Variants in VRK2 observed in about 807,000 individuals in gnomAD.
The protein encoded by VRK2 is serine/threonine-protein kinase VRK2.
In VRK2, 60 loss-of-function variants were observed where a neutral mutation model predicts 57.6. That is an observed-to-expected ratio of 1.04 (90% CI 0.85 to 1.29). VRK2 has a LOEUF of 1.29. Ranked by LOEUF, VRK2 falls within the 50% of genes most tolerant of loss-of-function variation. VRK2 has a pLI of 0.00. For synonymous variants in VRK2, 231 were observed against 199.2 expected, an observed-to-expected ratio of 1.16 and a Z score of -1.35; for missense variants, 705 against 588.1, an observed-to-expected ratio of 1.20 and a Z score of -2.06.
chr2:57,912,176 T>G (rs1670004726), intron 1 of VRK2, among the ~76,000 whole-genome samples: 1 of 152,178 alleles, frequency 6.6e-6, no homozygotes, highest in African/African-American at 2.4e-5. Flanking sequence ...TATAAAGAAT[T>G]ATGGATGAAA....
intron 1 of VRK2, among the ~76,000 whole-genome samples, chr2:57,916,593 G>A (rs1015670467): frequency 6.6e-6 from 1 of 151,752 alleles, no homozygotes; most frequent in Non-Finnish European, 1.5e-5. Context: ...GTATGATATT[G>A]GTTTTCAATT....
chr2:57,972,494 T>C (rs571892481), intron 1 of VRK2, among the ~76,000 whole-genome samples: 2 of 151,990 alleles, frequency 1.3e-5, no homozygotes, highest in South Asian at 4.1e-4. Context: ...TATTTTGGTC[T>C]TTAGCATATA....
At chr2:58,122,104 A>G (rs1677600291) in intron 7 of VRK2, among the ~76,000 whole-genome samples, 1 of 152,216 alleles carries the variant, frequency 6.6e-6, no homozygotes, top group African/African-American at 2.4e-5. Context: ...TTCATATGAA[A>G]GGTCAAAAGT....
intron 2 of VRK2, among the ~76,000 whole-genome samples, chr2:58,066,564 T>A (rs1354977147): frequency 2.6e-5 from 4 of 152,198 alleles, no homozygotes. Context: ...TCTAATTTTG[T>A]ATCAGGGTAA....
chr2:58,142,887 T>A (rs1427153038), intron 11 of VRK2, among the ~76,000 whole-genome samples: 1 of 151,866 alleles, frequency 6.6e-6, no homozygotes, highest in African/African-American at 2.4e-5. Context: ...TACTATAATA[T>A]GTTAGTATAT....
intron 1 of VRK2, among the ~76,000 whole-genome samples, chr2:57,990,224 A>G (rs897305138): frequency 2.0e-5 from 3 of 152,234 alleles, no homozygotes; most frequent in Non-Finnish European, 4.4e-5. Context: ...TAGGAAATCA[A>G]TTCATACTAA....
At chr2:57,994,269 CTT>C (rs1261323143) in intron 1 of VRK2, among the ~76,000 whole-genome samples, 1 of 152,084 alleles carries the variant, frequency 6.6e-6, no homozygotes, top group Admixed American at 6.5e-5. Flanking sequence ...GGAGAACAGC[CTT>C]TACTAATGGA....
intron 7 of VRK2, among the ~76,000 whole-genome samples, chr2:58,109,800 A>G (rs1675291062): frequency 6.6e-6 from 1 of 152,178 alleles, no homozygotes; most frequent in South Asian, 2.1e-4. Flanking sequence ...TTCTACATAT[A>G]AAGGCCATTC....
chr2:58,059,947 A>G (rs1027576776), intron 2 of VRK2, among the ~76,000 whole-genome samples: 2 of 151,940 alleles, frequency 1.3e-5, no homozygotes, highest in African/African-American at 2.4e-5. Context: ...TGGAGAATGT[A>G]AAGAAAAGCT....
intron 1 of VRK2, among the ~76,000 whole-genome samples, chr2:57,926,530 G>A (rs574990661): frequency 4.7e-5 from 7 of 150,126 alleles, no homozygotes; most frequent in South Asian, 4.2e-4. Flanking sequence ...GTGTGTGTGT[G>A]TATATATATA....
At chr2:58,012,659 G>A (rs1017090722) in intron 1 of VRK2, among the ~76,000 whole-genome samples, 7 of 152,108 alleles carry the variant, frequency 4.6e-5, no homozygotes, top group Admixed American at 6.5e-5. Context: ...GACTACACTC[G>A]TTAGCATAAA....
At chr2:58,105,914 T>C (rs1380065065) in intron 7 of VRK2, among the ~76,000 whole-genome samples, 1 of 151,972 alleles carries the variant, frequency 6.6e-6, no homozygotes, top group Non-Finnish European at 1.5e-5. Flanking sequence ...TGAACCTTTT[T>C]ATAATATACC....
intron 11 of VRK2, among the ~76,000 whole-genome samples, chr2:58,145,056 T>A (rs1681910996): frequency 6.6e-6 from 1 of 151,976 alleles, no homozygotes. Flanking sequence ...TTCTGCCCCC[T>A]GTTTAACTCA....
chr2:57,914,509 C>G (rs1670086782), intron 1 of VRK2, among the ~76,000 whole-genome samples: 1 of 151,978 alleles, frequency 6.6e-6, no homozygotes, highest in South Asian at 2.1e-4. Context: ...TAGATGACGA[C>G]CTCTGCTATG....
intron 7 of VRK2, among the ~76,000 whole-genome samples, chr2:58,100,706 C>T (rs1265413580): frequency 6.6e-6 from 1 of 151,602 alleles, no homozygotes; most frequent in Non-Finnish European, 1.5e-5. Flanking sequence ...CATATGAATA[C>T]ATTGTTTTTG....
At chr2:58,114,693 A>C (rs1200075532) in intron 7 of VRK2, among the ~76,000 whole-genome samples, 1 of 151,288 alleles carries the variant, frequency 6.6e-6, no homozygotes. Context: ...TAAAGGTTTC[A>C]CTGAATACTG....
chr2:58,027,013 C>T (rs72810310), intron 2 of VRK2, among the ~76,000 whole-genome samples: 12 of 152,102 alleles, frequency 7.9e-5, no homozygotes, highest in Non-Finnish European at 1.6e-4. Context: ...GCCACCATGC[C>T]CAGCCAACTT....
Position 57,914,710 on chromosome 2 carries a change from G to C in VRK2, c.-439+6871G>C, listed in dbSNP as rs548194148. 4.7e-4 allele frequency among the ~76,000 whole-genome samples: 71 copies of C among 152,116 alleles called. 2 individuals carry two copies. In the South Asian group the frequency reaches 0.011, roughly 24 times the overall value. On this transcript the variant is annotated intron_variant, in intron 1 of 15. Coordinates refer to the VRK2 transcript ENST00000417641. ...ATTCACTAATAAAAGAATAATTTGT[G>C]GTTGTGTCCCTCTGAAAGTTAAGCC...
chr2:58,159,705 A>G lies in VRK2; in HGVS notation c.*12A>G, dbSNP rs764760346. 6.2e-7 allele frequency: 1 copy of G among 1,612,314 alleles called. No individual in the cohort carries two copies. Among genetic ancestry groups the G allele is most frequent in the Admixed American group, 1.7e-5 (1 of 59,730 alleles). On this transcript the variant is annotated 3_prime_UTR_variant, in exon 13 of 13. Coordinates refer to ENST00000340157, the MANE Select transcript of VRK2 (RefSeq NM_006296.7). ...TATTTTTTCTCTGAAGATGATACCAAAATTCCTTTTGATAATTTTTTAAGT... is the reference window on the plus strand; with the variant it reads ...TATTTTTTCTCTGAAGATGATACCAGAATTCCTTTTGATAATTTTTTAAGT...
Sources: gnomAD v4.1 joint callset for allele counts (sites outside exome capture counted in the v4.1 genomes callset) on GRCh38, gnomAD v4.1.1 for gene constraint, MANE v1.5 for transcripts, NCBI Gene and HGNC (gene_info 2026-07-23, HGNC 2026-07-21) for gene names.